SLC14A2: variants seen among roughly 807,000 people sequenced by gnomAD.
The protein encoded by SLC14A2 is solute carrier family 14 member 2.
In SLC14A2, 91 loss-of-function variants were observed where a neutral mutation model predicts 104.6. The ratio of observed to expected loss-of-function variants is 0.87; its 90% CI spans 0.73 to 1.04. The LOEUF is 1.04. Among genes scored for constraint, SLC14A2 ranks in the 50% least tolerant of loss-of-function variants. The probability of loss-of-function intolerance (pLI) is 0.00; values close to 1 mark genes in which losing one functional copy is unlikely to be tolerated. For synonymous variants in SLC14A2, 476 were observed against 466.4 expected, an observed-to-expected ratio of 1.02 and a Z score of -0.27; for missense variants, 1,189 against 1,156.0, an observed-to-expected ratio of 1.03 and a Z score of -0.41.
At chr18:45,256,822 A>T (rs1431393031) in intron 1 of SLC14A2, among the ~76,000 whole-genome samples, 1 of 152,244 alleles carries the variant, frequency 6.6e-6, no homozygotes, top group Admixed American at 6.5e-5. Flanking sequence ...AATCTCAGGT[A>T]TAACCTAAAT....
intron 1 of SLC14A2, among the ~76,000 whole-genome samples, chr18:45,457,717 G>A (rs1287452176): frequency 6.6e-6 from 1 of 151,106 alleles, no homozygotes; most frequent in African/African-American, 2.4e-5. Flanking sequence ...AATCTGCATG[G>A]CCAAGAACAC....
chr18:45,420,946 G>A (rs2086339283), intron 1 of SLC14A2, among the ~76,000 whole-genome samples: 1 of 151,898 alleles, frequency 6.6e-6, no homozygotes, highest in Admixed American at 6.6e-5. Flanking sequence ...TCACCATGTT[G>A]GCCAGAATGA....
At chr18:45,216,919 A>G (rs1328849233) in intron 1 of SLC14A2, among the ~76,000 whole-genome samples, 3 of 152,112 alleles carry the variant, frequency 2.0e-5, no homozygotes, top group African/African-American at 7.2e-5. Flanking sequence ...TCCTCTTCCT[A>G]TCTGGTGAGA....
chr18:45,652,956 A>G (rs1599126064), intron 10 of SLC14A2, among the ~76,000 whole-genome samples: 1 of 152,150 alleles, frequency 6.6e-6, no homozygotes, highest in African/African-American at 2.4e-5. Flanking sequence ...AATTAATGAC[A>G]TATTGCTCAC....
intron 10 of SLC14A2, chr18:45,647,630 G>T (rs2045645947): frequency 6.6e-6 from 1 of 152,138 alleles, no homozygotes; most frequent in Admixed American, 6.5e-5. Flanking sequence ...ATTTTCTCCT[G>T]AGTACAGCTT....
At chr18:45,362,910 C>T (rs2085626908) in intron 1 of SLC14A2, among the ~76,000 whole-genome samples, 3 of 121,004 alleles carry the variant, frequency 2.5e-5, no homozygotes, top group Admixed American at 2.3e-4. Context: ...AGCTGCTCCC[C>T]CATGCTAGGG....
chr18:45,495,792 A>T (rs1407117384), intron 2 of SLC14A2, among the ~76,000 whole-genome samples: 4 of 152,134 alleles, frequency 2.6e-5, no homozygotes, highest in Non-Finnish European at 5.9e-5. Flanking sequence ...GAACTGGTAA[A>T]ATATTAGTAT....
At chr18:45,382,873 T>C (rs1361204863) in intron 1 of SLC14A2, among the ~76,000 whole-genome samples, 1 of 152,230 alleles carries the variant, frequency 6.6e-6, no homozygotes, top group Non-Finnish European at 1.5e-5. Flanking sequence ...ACTTTAGAAC[T>C]GCAAGTCAAG....
chr18:45,523,693 A>G (rs1314743202), intron 2 of SLC14A2, among the ~76,000 whole-genome samples: 2 of 151,776 alleles, frequency 1.3e-5, no homozygotes, highest in Non-Finnish European at 2.9e-5. Flanking sequence ...CCCAGTGCAA[A>G]TGATACATCC....
intron 2 of SLC14A2, among the ~76,000 whole-genome samples, chr18:45,503,638 C>T (rs1339854906): frequency 6.6e-6 from 1 of 152,194 alleles, no homozygotes; most frequent in Non-Finnish European, 1.5e-5. Flanking sequence ...GCTCCACGTA[C>T]TCTTTCTTGG....
intron 1 of SLC14A2, among the ~76,000 whole-genome samples, chr18:45,294,095 G>A (rs1472238736): frequency 1.3e-5 from 2 of 152,186 alleles, no homozygotes; most frequent in Admixed American, 6.5e-5. Context: ...ATTCATGTGA[G>A]TGGTGAGTTA....
rs761898363 is a variant in SLC14A2 at position 45,558,627 on chromosome 18, T to C, written c.-34-66004T>C. 6.3e-5 allele frequency among the ~76,000 whole-genome samples: 9 copies of C among 142,284 alleles called. No homozygotes were observed. In the South Asian group the frequency reaches 6.7e-4, roughly 11 times the overall value. The allele number at this position is 142,284 out of a possible 152,430, so 93.3% of individuals were successfully genotyped here. On this transcript the variant is annotated intron_variant, in intron 2 of 20. Coordinates refer to the SLC14A2 transcript ENST00000586448. Reference sequence around the variant, plus strand: ...TCTCACTGGGGTGGATTAGAAACTATGGAAGTGTGAGCCAAAGTCAGGTTG... The same window carrying C: ...TCTCACTGGGGTGGATTAGAAACTACGGAAGTGTGAGCCAAAGTCAGGTTG...
chr18:45,275,677 A>T (rs1160382981), intron 1 of SLC14A2, among the ~76,000 whole-genome samples: 2 of 152,204 alleles, frequency 1.3e-5, no homozygotes, highest in Non-Finnish European at 1.5e-5. Context: ...ACTTCCCCTG[A>T]AAGTACTATG....
At chr18:45,610,841 G>A (rs369336598), upstream of SLC14A2, among the ~76,000 whole-genome samples, 7 of 152,284 alleles carry the variant, frequency 4.6e-5, no homozygotes, top group East Asian at 7.7e-4. Context: ...CAATGAGGTG[G>A]CAGCATCACC....
At chr18:45,289,071 A>G (rs1314897548) in intron 1 of SLC14A2, among the ~76,000 whole-genome samples, 1 of 152,204 alleles carries the variant, frequency 6.6e-6, no homozygotes, top group Non-Finnish European at 1.5e-5. Flanking sequence ...CTTGCTGTTC[A>G]TTCTCAGCCA....
At chr18:45,599,437 C>T (rs2044757995) in intron 2 of SLC14A2, among the ~76,000 whole-genome samples, 1 of 152,246 alleles carries the variant, frequency 6.6e-6, no homozygotes, top group Non-Finnish European at 1.5e-5. Flanking sequence ...CCTGCTCTGA[C>T]TCTTGCAAAA....
intron 1 of SLC14A2, among the ~76,000 whole-genome samples, chr18:45,249,485 A>G (rs562550033): frequency 7.9e-5 from 12 of 152,260 alleles, no homozygotes; most frequent in African/African-American, 2.9e-4. Flanking sequence ...GAGAAAAGAC[A>G]TAACTGATCT....
At chr18:45,371,480 T>C (rs2144354389) in intron 1 of SLC14A2, among the ~76,000 whole-genome samples, 1 of 152,308 alleles carries the variant, frequency 6.6e-6, no homozygotes, top group South Asian at 2.1e-4. Context: ...CCTTATACAA[T>C]CTATTGCATA....
chr18:45,475,625 T>TATATATATATATATTTAGG (rs1555693757), intron 1 of SLC14A2, among the ~76,000 whole-genome samples: 20 of 94,524 alleles, frequency 2.1e-4, no homozygotes, highest in South Asian at 1.2e-3. Context: ...TTAGGATATA[T>TATATATATATATATTTAGG]ATATATATAT....
Sources: allele counts gnomAD v4.1 joint callset (sites outside exome capture counted in the v4.1 genomes callset), GRCh38; gene constraint gnomAD v4.1.1; transcripts MANE v1.5; gene names NCBI Gene and HGNC (gene_info 2026-07-23, HGNC 2026-07-21).